The following MRTFB variants were observed in gnomAD, a reference collection of about 807,000 sequenced individuals.
MRTFB encodes the protein myocardin-related transcription factor B.
Under a neutral mutation model 104.2 loss-of-function variants are expected in MRTFB, and 29 were observed. The ratio of observed to expected loss-of-function variants is 0.28; its 90% confidence interval spans 0.21 to 0.38. The LOEUF (loss-of-function observed/expected upper bound fraction) is 0.38. MRTFB is among the 10% of genes least tolerant of loss of function. The pLI, the probability that MRTFB is intolerant of heterozygous loss-of-function variation, is 1.00. For missense variants in MRTFB, 1,270 were observed against 1,341.6 expected (o/e 0.95, Z 0.83); for synonymous variants, 535 against 519.5 (o/e 1.03, Z -0.41).
chr16:14,194,934 G>A (rs936315206), intron 3 of MRTFB, among the ~76,000 whole-genome samples: 10 of 152,088 alleles, frequency 6.6e-5, no homozygotes, highest in African/African-American at 1.4e-4. Context: ...TCCGTTTGAC[G>A]CACTTGGCCA....
chr16:14,214,788 G>A (rs761704423), intron 6 of MRTFB: 1 of 152,210 alleles, frequency 6.6e-6, no homozygotes, highest in Non-Finnish European at 1.5e-5. Context: ...GAACTTCGAA[G>A]CATCAAGGTG....
chr16:14,097,860 T>G (rs1264279735), intron 2 of MRTFB, among the ~76,000 whole-genome samples: 1 of 152,246 alleles, frequency 6.6e-6, no homozygotes, highest in Non-Finnish European at 1.5e-5. Flanking sequence ...TTGACTTCTT[T>G]CAGTCAGCCT....
At chr16:14,252,595 C>G (rs2043303007) in intron 15 of MRTFB, 93 bp downstream of exon 15, 1 of 1,386,622 alleles carries the variant, frequency 7.2e-7, no homozygotes. Flanking sequence ...TTGTCTGAAA[C>G]TGACTTGCCT....
At chr16:14,002,671 T>C in the MRTFB span, among the ~76,000 whole-genome samples, 1 of 151,812 alleles carries the variant, frequency 6.6e-6, no homozygotes, top group Non-Finnish European at 1.5e-5. Flanking sequence ...GCTTCCTCTC[T>C]CTCCCCTCCT....
At chr16:14,234,763 C>A (rs2042419866) in intron 9 of MRTFB, among the ~76,000 whole-genome samples, 1 of 152,044 alleles carries the variant, frequency 6.6e-6, no homozygotes, top group Non-Finnish European at 1.5e-5. Flanking sequence ...CCATTGCACT[C>A]TAGCTTGGGT....
chr16:14,164,274 C>T (rs2039150326), intron 3 of MRTFB, among the ~76,000 whole-genome samples: 1 of 152,186 alleles, frequency 6.6e-6, no homozygotes, highest in South Asian at 2.1e-4. Context: ...TCTCTATCTC[C>T]TTAAGATCAA....
At position 14,224,426 on chromosome 16, in the gene MRTFB, C is replaced by T. The variant is rs1299786703; in HGVS notation, c.693+5428C>T. On this transcript the variant is annotated intron_variant, in intron 8 of 16. Transcript: ENST00000571589. The stretch of plus-strand genomic sequence containing the variant: ...GTGTAAATGGTTTTTTAAAATACTA[C>T]ACCTGTATAGAGCAGCTCCATTATA... Among the ~76,000 whole-genome samples, 5 of 152,272 alleles carry T rather than the reference C, an allele frequency of 3.3e-5. No individual in the cohort carries two copies. The East Asian group carries it at 9.6e-4, about 29-fold the overall frequency.
chr16:14,105,625 C>T (rs775445609), intron 2 of MRTFB, among the ~76,000 whole-genome samples: 4 of 152,092 alleles, frequency 2.6e-5, no homozygotes, highest in Non-Finnish European at 4.4e-5. Context: ...TCTCAAACTC[C>T]TGGCCTTAAG....
At chr16:14,197,565 T>C (rs866565211) in intron 3 of MRTFB, among the ~76,000 whole-genome samples, 18 of 152,342 alleles carry the variant, frequency 1.2e-4, no homozygotes, top group South Asian at 4.1e-4. Context: ...AAATGTGACA[T>C]TGTATTCTGT....
chr16:14,019,583 C>T, the MRTFB span: 1 of 152,190 alleles, frequency 6.6e-6, no homozygotes, highest in Non-Finnish European at 1.5e-5. Flanking sequence ...TCTGTACATC[C>T]TCAAACCTTG....
intron 4 of MRTFB, 122 bp downstream of exon 4, chr16:14,210,430 T>C (rs923555639): frequency 4.6e-5 from 32 of 703,276 alleles, no homozygotes; most frequent in African/African-American, 4.3e-4. Flanking sequence ...AATTACCAAA[T>C]GAATTTCCAA....
rs533077067 is a variant in MRTFB at position 14,107,662 on chromosome 16, T to C, written c.-64+28308T>C. ...GACTGCCCTGTGCCAGCTACTGTGTTAGAAACTAGGGATAGATGCATAGGT... is the reference window on the plus strand; with the variant it reads ...GACTGCCCTGTGCCAGCTACTGTGTCAGAAACTAGGGATAGATGCATAGGT... On this transcript the variant is annotated intron_variant, in intron 2 of 16. Transcript: ENST00000571589. 3.3e-5 allele frequency among the ~76,000 whole-genome samples: 5 copies of C among 152,266 alleles called. No individual in the cohort carries two copies. In the East Asian group the frequency reaches 9.6e-4, roughly 29 times the overall value.
chr16:14,131,418 C>G (rs1034892646), intron 2 of MRTFB, among the ~76,000 whole-genome samples: 5 of 151,908 alleles, frequency 3.3e-5, no homozygotes, highest in Non-Finnish European at 5.9e-5. Context: ...GGTATGACAT[C>G]AAAAGTACAA....
intron 4 of MRTFB, 72 bp from the exon 5 acceptor site, chr16:14,212,282 C>T: frequency 6.9e-7 from 1 of 1,440,360 alleles, no homozygotes; most frequent in Non-Finnish European, 9.7e-7. Flanking sequence ...GGGTTATCAC[C>T]ATGGTATACT....
chr16:14,138,041 G>T (rs1269530910), intron 2 of MRTFB, among the ~76,000 whole-genome samples: 1 of 152,036 alleles, frequency 6.6e-6, no homozygotes, highest in Non-Finnish European at 1.5e-5. Context: ...TTTTTAAATA[G>T]TTGTTTTAAG....
the MRTFB span, among the ~76,000 whole-genome samples, chr16:14,016,721 C>G: frequency 9.3e-5 from 13 of 140,042 alleles, no homozygotes; most frequent in African/African-American, 3.0e-4. Context: ...TGCGGCGAGC[C>G]GAGATCACAC....
At chr16:14,083,831 G>A (rs2034548220) in intron 2 of MRTFB, among the ~76,000 whole-genome samples, 1 of 152,248 alleles carries the variant, frequency 6.6e-6, no homozygotes, top group Admixed American at 6.5e-5. Flanking sequence ...GGAGAGTCTT[G>A]TTCCGCCATC....
the MRTFB span, among the ~76,000 whole-genome samples, chr16:14,062,666 G>A: frequency 1.3e-5 from 2 of 152,170 alleles, no homozygotes; most frequent in Admixed American, 6.5e-5. Flanking sequence ...AAGCAGAATT[G>A]GGAATGCAAT....
chr16:14,072,272 C>T lies in MRTFB; in HGVS notation c.-129+907C>T, dbSNP rs548817520. On this transcript the variant is annotated intron_variant, in intron 1 of 16. Transcript: ENST00000571589. Reference sequence around the variant, plus strand: ...GAAATGAAATTCATAAACAATGTGACCTCCCTACACACATCCTTGAAAAGC... The same window carrying T: ...GAAATGAAATTCATAAACAATGTGATCTCCCTACACACATCCTTGAAAAGC... 7.9e-5 allele frequency among the ~76,000 whole-genome samples: 12 copies of T among 152,138 alleles called. No individual in the cohort carries two copies. In the East Asian group the frequency reaches 1.5e-3, roughly 20 times the overall value.
Sources: gnomAD v4.1 joint callset for allele counts (sites outside exome capture counted in the v4.1 genomes callset) on GRCh38, gnomAD v4.1.1 for gene constraint, MANE v1.5 for transcripts, NCBI Gene and HGNC (gene_info 2026-07-23, HGNC 2026-07-21) for gene names.